Variants in SLC14A1 observed in about 807,000 individuals in gnomAD.
SLC14A1 encodes solute carrier family 14 member 1 (Kidd blood group).
SLC14A1 carries 36 observed loss-of-function variants against 39.6 expected under a neutral mutation model. The ratio of observed to expected loss-of-function variants is 0.91; its 90% confidence interval spans 0.70 to 1.20. The LOEUF is 1.20. Ranked by LOEUF, SLC14A1 falls within the 50% of genes most tolerant of loss-of-function variation. SLC14A1 has a pLI of 0.00. For missense variants in SLC14A1, 469 were observed against 478.7 expected (o/e 0.98, Z 0.19); for synonymous variants, 164 against 173.6 (o/e 0.94, Z 0.43).
In SLC14A1 at chr18:45,750,734, C is replaced by G; in HGVS notation, c.*783C>G. The G allele has an allele frequency of 1.0e-6, 1 of 984,938 alleles. No individual in the cohort carries two copies. Among genetic ancestry groups the G allele is most frequent in the Non-Finnish European group, 1.2e-6 (1 of 829,576 alleles). 61.0% of individuals were successfully genotyped at this position (984,938 alleles called of 1,614,324 possible). A position where few individuals can be genotyped will look rare whatever the true frequency, so the allele number is the denominator to read the frequency against. ...AAATAGGAGAAGTTCCTGGCTTAACCTGTTCTTACATATTAAAGAAAAGTT... is the reference window on the plus strand; with the variant it reads ...AAATAGGAGAAGTTCCTGGCTTAACGTGTTCTTACATATTAAAGAAAAGTT... On this transcript the variant is annotated 3_prime_UTR_variant, in exon 10 of 10. Coordinates refer to ENST00000321925, the MANE Select transcript of SLC14A1 (RefSeq NM_015865.7).
intron 8 of SLC14A1, among the ~76,000 whole-genome samples, chr18:45,748,092 G>A (rs1454673014): frequency 6.6e-6 from 1 of 152,158 alleles, no homozygotes; most frequent in East Asian, 1.9e-4. Context: ...CACTTACTGT[G>A]TGCTAAACAC....
intron 8 of SLC14A1, among the ~76,000 whole-genome samples, chr18:45,747,778 T>G (rs1401478848): frequency 6.6e-6 from 1 of 152,238 alleles, no homozygotes; most frequent in African/African-American, 2.4e-5. Context: ...GGGAGGAATC[T>G]CAAGTTTGTG....
At position 45,750,833 on chromosome 18, in the gene SLC14A1, A is replaced by G; in HGVS notation, c.*882A>G. ...CCTAAATTGATTTTGTAAATGCCAC[A>G]AATGCATAGAATTGTTACCAACCTC... is the stretch of plus-strand genomic sequence containing the variant. On this transcript the variant is annotated 3_prime_UTR_variant, in exon 10 of 10. Transcript: ENST00000321925. 1.0e-6 allele frequency: 1 copy of G among 985,192 alleles called. No individual in the cohort carries two copies. Among genetic ancestry groups the G allele is most frequent in the Non-Finnish European group, 1.2e-6 (1 of 829,718 alleles). 61.0% of individuals were successfully genotyped at this position (985,192 alleles called of 1,614,324 possible).
Position 45,751,356 on chromosome 18 carries a change from AAC to A in SLC14A1, c.*1407_*1408del, listed in dbSNP as rs538806933. 228,273 of 721,334 alleles carry A rather than the reference AAC, an allele frequency of 0.32. 14,562 individuals are homozygous for A. Among genetic ancestry groups the A allele is most frequent in the Non-Finnish European group, 0.35 (207,699 of 601,612 alleles). 44.7% of individuals were successfully genotyped at this position (721,334 alleles called of 1,614,324 possible). A position where few individuals can be genotyped will look rare whatever the true frequency, so the allele number is the denominator to read the frequency against. ...ACTGTGTCTCTCAAAAAAAAAAAAAAACAAACAAAAACAAAAACAAAACAAAA... is the reference window on the plus strand; with the variant it reads ...ACTGTGTCTCTCAAAAAAAAAAAAAAAAACAAAAACAAAAACAAAACAAAA... On this transcript the variant is annotated 3_prime_UTR_variant, in exon 10 of 10. Coordinates refer to ENST00000321925, the MANE Select transcript of SLC14A1 (RefSeq NM_015865.7).
At chr18:45,735,195 G>C (rs1341337355) in intron 5 of SLC14A1, among the ~76,000 whole-genome samples, 1 of 152,202 alleles carries the variant, frequency 6.6e-6, no homozygotes, top group Non-Finnish European at 1.5e-5. Context: ...TGACTCTAAA[G>C]TATAGCCAAA....
chr18:45,734,361 C>T lies in SLC14A1; in HGVS notation c.429C>T (p.Phe143=). ...MAVFSDKGDY[F]WWLLLPVCAM... ...TCTTTTCGGACAAGGGAGACTATTT[C>T]TGGTGGCTGTTACTCCCTGTATGTG... is the stretch of plus-strand genomic sequence containing the variant. Residue 143 remains phenylalanine (F), a synonymous_variant, in exon 5 of 10, where the codon TTC becomes TTT. Transcript: ENST00000321925. The T allele has an allele frequency of 1.2e-6, 2 of 1,613,614 alleles. No homozygotes were observed. The highest frequency in any genetic ancestry group is 1.3e-5 in the African/African-American group (1 of 74,876).
chr18:45,735,072 A>T (rs1182860031), intron 5 of SLC14A1, among the ~76,000 whole-genome samples: 1 of 152,194 alleles, frequency 6.6e-6, no homozygotes, highest in Non-Finnish European at 1.5e-5. Flanking sequence ...TTTTTGGTAG[A>T]AACACACTGA....
At position 45,736,609 on chromosome 18, in the gene SLC14A1, A is replaced by G. The variant is rs1333045554; in HGVS notation, c.624A>G (p.Thr208=). The G allele has an allele frequency of 2.5e-6, 4 of 1,614,148 alleles. No individual in the cohort carries two copies. Among genetic ancestry groups the G allele is most frequent in the Non-Finnish European group, 2.5e-6 (3 of 1,180,012 alleles). ...CCAAACTGGTCATACCTATAACTAC[A>G]GCTCCAAATATCTCCTGGTCTGACC... is the stretch of plus-strand genomic sequence containing the variant. The part of the protein sequence containing the change: ...FPAKLVIPIT[T]APNISWSDLS... The change falls in exon 6 of 10, where the codon ACA becomes ACG. Residue 208 remains threonine, a synonymous_variant. Transcript: ENST00000321925.
At chr18:45,732,914 C>A (rs2047075815) in intron 4 of SLC14A1, among the ~76,000 whole-genome samples, 1 of 152,202 alleles carries the variant, frequency 6.6e-6, no homozygotes, top group Non-Finnish European at 1.5e-5. Context: ...CGAACTACTA[C>A]ATAGCCATAA....
At chr18:45,739,727 A>G (rs2047303357) in intron 8 of SLC14A1, 65 bp downstream of exon 8, 2 of 1,608,642 alleles carry the variant, frequency 1.2e-6, no homozygotes, top group Non-Finnish European at 1.7e-6. Context: ...AAGGATAAGC[A>G]GTAAAAACGG....
intron 2 of SLC14A1, among the ~76,000 whole-genome samples, chr18:45,725,515 G>A (rs1402693874): frequency 6.6e-6 from 1 of 152,174 alleles, no homozygotes; most frequent in Admixed American, 6.5e-5. Flanking sequence ...TTTCTTTGTG[G>A]TTGTTCAACC....
At chr18:45,749,268 G>C (rs914658242) in intron 9 of SLC14A1, among the ~76,000 whole-genome samples, 1 of 152,122 alleles carries the variant, frequency 6.6e-6, no homozygotes. Flanking sequence ...GCTCAGAATT[G>C]TGTGAGTTTC....
In SLC14A1 at chr18:45,751,960, T is replaced by A. The variant is rs2047722635; in HGVS notation, c.*2009T>A. 1.0e-6 allele frequency: 1 copy of A among 985,236 alleles called. No individual in the cohort carries two copies. The highest frequency in any genetic ancestry group is 1.7e-5 in the African/African-American group (1 of 57,210). 61.0% of individuals were successfully genotyped at this position (985,236 alleles called of 1,614,324 possible). A position where few individuals can be genotyped will look rare whatever the true frequency, so the allele number is the denominator to read the frequency against. Reference sequence around the variant, plus strand: ...AGTGCACAATATACATTTTGCTGAATGAATAAACAGAAATAGGGAAGTAAA... The same window carrying A: ...AGTGCACAATATACATTTTGCTGAAAGAATAAACAGAAATAGGGAAGTAAA... On this transcript the variant is annotated 3_prime_UTR_variant, in exon 10 of 10. Coordinates refer to ENST00000321925, the MANE Select transcript of SLC14A1 (RefSeq NM_015865.7).
chr18:45,751,380 A>G lies in SLC14A1; in HGVS notation c.*1429A>G, dbSNP rs2047704915. ...AAACAAACAAAAACAAAAACAAAACAAAACAAAACAAAACAAAACAGGTAA... is the reference window on the plus strand; with the variant it reads ...AAACAAACAAAAACAAAAACAAAACGAAACAAAACAAAACAAAACAGGTAA... On this transcript the variant is annotated 3_prime_UTR_variant, in exon 10 of 10. Coordinates refer to ENST00000321925, the MANE Select transcript of SLC14A1 (RefSeq NM_015865.7). The G allele has an allele frequency of 1.0e-6, 1 of 983,802 alleles. No homozygotes were observed. Among genetic ancestry groups the G allele is most frequent in the Admixed American group, 6.2e-5 (1 of 16,144 alleles). 60.9% of individuals were successfully genotyped at this position (983,802 alleles called of 1,614,324 possible).
At position 45,750,298 on chromosome 18, in the gene SLC14A1, A is replaced by G; in HGVS notation, c.*347A>G. Reference sequence around the variant, plus strand: ...ATATTCTTGGTGTTTAGCTGGCTCGATGATGTTAACAGTATTAAAAATTAA... The same window carrying G: ...ATATTCTTGGTGTTTAGCTGGCTCGGTGATGTTAACAGTATTAAAAATTAA... On this transcript the variant is annotated 3_prime_UTR_variant, in exon 10 of 10. Transcript: ENST00000321925. 8.3e-7 allele frequency: 1 copy of G among 1,201,660 alleles called. No individual in the cohort carries two copies. The highest frequency in any genetic ancestry group is 1.0e-6 in the Non-Finnish European group (1 of 958,570). The allele number at this position is 1,201,660 out of a possible 1,614,324, so 74.4% of individuals were successfully genotyped here.
At chr18:45,740,539 GAAAAGAAAAA>G (rs2047340721) in intron 8 of SLC14A1, among the ~76,000 whole-genome samples, 2 of 145,268 alleles carry the variant, frequency 1.4e-5, no homozygotes, top group South Asian at 2.2e-4. Context: ...AAAAAAAAGA[GAAAAGAAAAA>G]AAAAGAAAAA....
At position 45,734,293 on chromosome 18, in the gene SLC14A1, C is replaced by T. The variant is rs758264934; in HGVS notation, c.361C>T (p.Leu121Phe). 3.7e-6 allele frequency: 6 copies of T among 1,614,008 alleles called. No homozygotes were observed. The African/African-American group carries it at 8.0e-5, about 22-fold the overall frequency. The change falls in exon 5 of 10, where the codon CTC becomes TTC. Residue 121 changes from leucine to phenylalanine, a missense_variant. Physicochemically the swap from Leu to Phe is conservative, Grantham distance 22. Transcript: ENST00000321925. ...CCACAGGTCATTAATAGCATCTGGG[C>T]TCTATGGCTACAATGCCACCCTGGT... ...SQDRSLIASGLYGYNATLVGV... is the reference protein window; with the variant it reads ...SQDRSLIASGFYGYNATLVGV...
chr18:45,747,896 G>A (rs1956029777), intron 8 of SLC14A1, among the ~76,000 whole-genome samples: 1 of 152,012 alleles, frequency 6.6e-6, no homozygotes, highest in Admixed American at 6.5e-5. Flanking sequence ...ATTTTTTGTA[G>A]CTGTGAATTC....
Position 45,751,111 on chromosome 18 carries a change from G to A in SLC14A1, c.*1160G>A, listed in dbSNP as rs926209883. The A allele has an allele frequency of 2.6e-5, 22 of 832,964 alleles. No homozygotes were observed. Among genetic ancestry groups the A allele is most frequent in the Non-Finnish European group, 3.2e-5 (22 of 691,358 alleles). The allele number at this position is 832,964 out of a possible 1,614,324, so 51.6% of individuals were successfully genotyped here. The stretch of plus-strand genomic sequence containing the variant: ...TCCCAGCACTTTGGGGAGCCCAGGC[G>A]GGCAGATTGCTTGAACCCAGGAGTT... On this transcript the variant is annotated 3_prime_UTR_variant, in exon 10 of 10. Transcript: ENST00000321925.
Sources: allele counts gnomAD v4.1 joint callset (sites outside exome capture counted in the v4.1 genomes callset), GRCh38; gene constraint gnomAD v4.1.1; transcripts MANE v1.5; gene names NCBI Gene and HGNC (gene_info 2026-07-23, HGNC 2026-07-21).